Variants in SELPLG observed in about 807,000 individuals in gnomAD.
The protein encoded by SELPLG is P-selectin glycoprotein ligand 1.
Under a neutral mutation model 1.1 loss-of-function variants are expected in SELPLG, and 2 were observed. The observed-to-expected ratio is 1.82, with a 90% CI of 0.74 to 5.71. The LOEUF is 5.71. SELPLG is among the 30% of genes most tolerant of loss of function. The pLI, the probability that SELPLG is intolerant of heterozygous loss-of-function variation, is 0.05. For missense variants in SELPLG, 478 were observed against 524.7 expected, an observed-to-expected ratio of 0.91 and a Z score of 0.87; for synonymous variants, 230 against 221.2, an observed-to-expected ratio of 1.04 and a Z score of -0.35.
intron 1 of SELPLG, among the ~76,000 whole-genome samples, chr12:108,631,017 G>A (rs1041906457): frequency 6.6e-6 from 1 of 152,076 alleles, no homozygotes; most frequent in African/African-American, 2.4e-5. Flanking sequence ...AGTTTTTGGA[G>A]GGCAGGAGCT....
At chr12:108,632,041 A>C in intron 1 of SELPLG, 1 of 925,536 alleles carries the variant, frequency 1.1e-6, no homozygotes, top group Non-Finnish European at 1.7e-6. Context: ...TCATCTGTAA[A>C]AGGGGCACTG....
rs1565891117 is a variant in SELPLG, at chr12:108,632,397, TG to T, written c.-6+1342del. On this transcript the variant is annotated intron_variant, in intron 1 of 1. Coordinates refer to ENST00000550948, the MANE Select transcript of SELPLG (RefSeq NM_003006.4). The stretch of plus-strand genomic sequence containing the variant: ...AGATATCGACAATATGGGGTGTGTG[TG>T]TGTGTGTGTGTGTGTGTGTGTGTGT... 2.6e-3 allele frequency among the ~76,000 whole-genome samples: 365 copies of T among 138,982 alleles called. 2 individuals are homozygous for T. The highest frequency in any genetic ancestry group is 8.7e-4 in the Non-Finnish European group (58 of 67,042). The allele number at this position is 138,982 out of a possible 152,430, so 91.2% of individuals were successfully genotyped here. A position where few individuals can be genotyped will look rare whatever the true frequency, so the allele number is the denominator to read the frequency against.
intron 1 of SELPLG, among the ~76,000 whole-genome samples, chr12:108,626,060 C>G (rs1011027145): frequency 2.0e-5 from 3 of 152,092 alleles, no homozygotes; most frequent in African/African-American, 4.8e-5. Flanking sequence ...CTCACGGGCC[C>G]CTCACCTTCC....
In SELPLG at chr12:108,623,211, G is replaced by A. The variant is rs1307005174; in HGVS notation, c.1097C>T (p.Ser366Leu). The stretch of plus-strand genomic sequence containing the variant: ...CTCACCCCCATCAGGCAACAGGGAT[G>A]AGATGCAGACCATCTCGGTGGGGGA... ...NYSPTEMVCI[S>L]SLLPDGGEGP... The change falls in exon 2 of 2, where the codon TCA (serine) becomes TTA (leucine). Residue 366 changes from serine to leucine, a missense_variant. Transcript: ENST00000550948. 5.0e-6 allele frequency: 8 copies of A among 1,614,154 alleles called. No individual in the cohort carries two copies. The highest frequency in any genetic ancestry group is 5.9e-6 in the Non-Finnish European group (7 of 1,179,998).
intron 1 of SELPLG, among the ~76,000 whole-genome samples, chr12:108,633,416 A>G (rs1314180775): frequency 6.6e-6 from 1 of 152,086 alleles, no homozygotes; most frequent in Non-Finnish European, 1.5e-5. Context: ...TGGGAGGATC[A>G]CTTGTGCCCA....
intron 1 of SELPLG, chr12:108,631,898 C>T (rs1352480683): frequency 2.1e-5 from 32 of 1,535,528 alleles, no homozygotes; most frequent in Non-Finnish European, 2.7e-5. Flanking sequence ...GCCCCCACTG[C>T]CATCTTCCTG....
In SELPLG at chr12:108,630,038, G is replaced by T. The variant is rs888797673; in HGVS notation, c.-6+3702C>A. 3.9e-5 allele frequency among the ~76,000 whole-genome samples: 6 copies of T among 152,286 alleles called. No homozygotes were observed. The East Asian group carries it at 7.7e-4, about 20-fold the overall frequency. ...CCCGGAGCGGCGGGATCACTCCCAGGCCCCACCTTCCACCTCTCCTCTTCC... is the reference window on the plus strand; with the variant it reads ...CCCGGAGCGGCGGGATCACTCCCAGTCCCCACCTTCCACCTCTCCTCTTCC... On this transcript the variant is annotated intron_variant, in intron 1 of 1. Transcript: ENST00000550948.
At chr12:108,631,123 G>A (rs2032041550) in intron 1 of SELPLG, among the ~76,000 whole-genome samples, 1 of 152,232 alleles carries the variant, frequency 6.6e-6, no homozygotes, top group South Asian at 2.1e-4. Flanking sequence ...GAACTGCACA[G>A]CACGTGCTGT....
At chr12:108,625,380 G>A (rs1421419654) in intron 1 of SELPLG, among the ~76,000 whole-genome samples, 3 of 152,156 alleles carry the variant, frequency 2.0e-5, no homozygotes, top group Admixed American at 6.5e-5. Context: ...CAGGGATGAC[G>A]GTGCCTACTT....
chr12:108,623,002 G>C lies in SELPLG; in HGVS notation c.*67C>G, dbSNP rs536498687. ...GCCCAGAGCTGTGGAATGGGGTCTG[G>C]GCACTCAGGGGTGGCCCAGGAGAGC... On this transcript the variant is annotated 3_prime_UTR_variant, in exon 2 of 2. Coordinates refer to ENST00000550948, the MANE Select transcript of SELPLG (RefSeq NM_003006.4). 1 of 1,420,948 alleles carries C rather than the reference G, an allele frequency of 7.0e-7. No individual in the cohort carries two copies. The highest frequency in any genetic ancestry group is 9.3e-7 in the Non-Finnish European group (1 of 1,075,164). 88.0% of individuals were successfully genotyped at this position (1,420,948 alleles called of 1,614,324 possible).
chr12:108,625,959 C>G (rs922713493), intron 1 of SELPLG, among the ~76,000 whole-genome samples: 1 of 152,034 alleles, frequency 6.6e-6, no homozygotes, highest in Non-Finnish European at 1.5e-5. Context: ...GAATAGCACC[C>G]GGACAATTTC....
At position 108,623,730 on chromosome 12, in the gene SELPLG, G is replaced by C. The variant is rs762690831; in HGVS notation, c.578C>G (p.Thr193Ser). 6.2e-7 allele frequency: 1 copy of C among 1,607,362 alleles called. No individual in the cohort carries two copies. The highest frequency in any genetic ancestry group is 1.1e-5 in the South Asian group (1 of 89,638). The change falls in exon 2 of 2, where the codon ACC becomes AGC. Residue 193 changes from threonine to serine, a missense_variant. By Grantham distance (58) the Thr-to-Ser change is moderately conservative. Coordinates refer to ENST00000550948, the MANE Select transcript of SELPLG (RefSeq NM_003006.4). ...TGCCTCCATGGCTGCTGGTGCAGTG[G>C]TCTGTGCCTCCAGGCCTGTGGGTTG... ...TTQPTGLEAQ[T>S]TAPAAMEAQT...
Position 108,623,972 on chromosome 12 carries a change from C to G in SELPLG, c.336G>C (p.Leu112=). 6.2e-7 allele frequency: 1 copy of G among 1,614,194 alleles called. No individual in the cohort carries two copies. The highest frequency in any genetic ancestry group is 2.2e-5 in the East Asian group (1 of 44,890). ...LTTELANMGN[L]STDSAAMEIQ... is the part of the protein sequence containing the mutation. ...TCTCCATAGCTGCTGAATCCGTGGA[C>G]AGGTTCCCCATGTTGGCCAGCTCCG... The change falls in exon 2 of 2, where the codon CTG becomes CTC. Residue 112 remains leucine, a synonymous_variant. Transcript: ENST00000550948.
At chr12:108,633,079 C>T (rs920946128) in intron 1 of SELPLG, among the ~76,000 whole-genome samples, 5 of 152,282 alleles carry the variant, frequency 3.3e-5, no homozygotes, top group African/African-American at 4.8e-5. Context: ...TCACCTCTCC[C>T]GACCTCAGTT....
At chr12:108,630,879 A>T (rs1315455643) in intron 1 of SELPLG, among the ~76,000 whole-genome samples, 1 of 152,246 alleles carries the variant, frequency 6.6e-6, no homozygotes, top group African/African-American at 2.4e-5. Flanking sequence ...CAGGAACCAC[A>T]GCTGTCTTGC....
chr12:108,633,383 C>A (rs1219331923), intron 1 of SELPLG, among the ~76,000 whole-genome samples: 2 of 152,168 alleles, frequency 1.3e-5, no homozygotes, highest in African/African-American at 4.8e-5. Context: ...CGCCTGTAGT[C>A]CCAGCTACTC....
chr12:108,622,762 A>G lies in SELPLG; in HGVS notation c.*307T>C, dbSNP rs1166309464. 2.9e-6 allele frequency: 1 copy of G among 345,470 alleles called. No individual in the cohort carries two copies. Among genetic ancestry groups the G allele is most frequent in the Non-Finnish European group, 5.3e-6 (1 of 189,316 alleles). 21.4% of individuals were successfully genotyped at this position (345,470 alleles called of 1,614,324 possible). ...GCCATGGGAGATGTTAGAGGGACCC[A>G]GAGAAGATGGGGGACAGGAAAAAGG... On this transcript the variant is annotated 3_prime_UTR_variant, in exon 2 of 2. Transcript: ENST00000550948.
At chr12:108,629,073 TCA>T (rs1471753569) in intron 1 of SELPLG, among the ~76,000 whole-genome samples, 1 of 152,226 alleles carries the variant, frequency 6.6e-6, no homozygotes, top group African/African-American at 2.4e-5. Context: ...AATGGAGGTC[TCA>T]GACTCAGAGG....
chr12:108,624,419 T>A, intron 1 of SELPLG, 107 bp from the exon 2 acceptor site: 2 of 1,072,144 alleles, frequency 1.9e-6, no homozygotes, highest in Non-Finnish European at 2.7e-6. Flanking sequence ...GCATGTCTGG[T>A]CTGGAGCAGG....
Sources: gnomAD v4.1 joint callset for allele counts (sites outside exome capture counted in the v4.1 genomes callset) on GRCh38, gnomAD v4.1.1 for gene constraint, MANE v1.5 for transcripts, NCBI Gene and HGNC (gene_info 2026-07-23, HGNC 2026-07-21) for gene names.